Variants in PPP1R1C observed in about 807,000 individuals in gnomAD.
PPP1R1C encodes the protein protein phosphatase 1 regulatory inhibitor subunit 1C, also known as protein phosphatase 1 regulatory subunit 1C.
PPP1R1C carries 15 observed loss-of-function variants against 17.4 expected under a neutral mutation model. That is an observed-to-expected ratio of 0.86 (90% CI 0.58 to 1.33). The LOEUF (loss-of-function observed/expected upper bound fraction) is 1.33. PPP1R1C is among the 40% of genes most tolerant of loss of function. The pLI is 0.00. For synonymous variants in PPP1R1C, 35 were observed against 43.1 expected (o/e 0.81, Z 0.73); for missense variants, 143 against 130.0 (o/e 1.10, Z -0.48).
chr2:182,008,097 A>AAAT (rs140139322), intron 2 of PPP1R1C, among the ~76,000 whole-genome samples: 48,268 of 150,460 alleles, frequency 0.32, 9,249 homozygotes, highest in Non-Finnish European at 0.41. Context: ...ATAAAAAAAT[A>AAAT]AAATAAAATG....
intron 2 of PPP1R1C, among the ~76,000 whole-genome samples, chr2:182,006,635 C>T (rs1182418075): frequency 6.6e-6 from 1 of 152,148 alleles, no homozygotes; most frequent in Non-Finnish European, 1.5e-5. Flanking sequence ...TAACAACTGT[C>T]TTAAGTTTTA....
At chr2:182,084,910 C>T (rs993331108) in intron 4 of PPP1R1C, among the ~76,000 whole-genome samples, 4 of 151,848 alleles carry the variant, frequency 2.6e-5, no homozygotes, top group African/African-American at 9.7e-5. Context: ...TCCATTTGTT[C>T]GTGTCACCTA....
At chr2:182,123,797 G>T (rs573570595) in intron 5 of PPP1R1C, among the ~76,000 whole-genome samples, 15 of 152,232 alleles carry the variant, frequency 9.9e-5, no homozygotes, top group Admixed American at 8.5e-4. Flanking sequence ...CTCCCATTCT[G>T]TAGGTTGCCT....
intron 2 of PPP1R1C, among the ~76,000 whole-genome samples, chr2:182,005,549 G>A (rs1206992160): frequency 6.6e-6 from 1 of 152,086 alleles, no homozygotes; most frequent in African/African-American, 2.4e-5. Flanking sequence ...TCTAAATATG[G>A]TTTTGGAATT....
chr2:182,052,337 C>T (rs768999603), intron 2 of PPP1R1C, among the ~76,000 whole-genome samples: 2 of 152,188 alleles, frequency 1.3e-5, no homozygotes, highest in Non-Finnish European at 2.9e-5. Flanking sequence ...TAGTCTCTGT[C>T]ATGGCAAGAA....
chr2:182,021,787 T>C (rs558259168), intron 2 of PPP1R1C, among the ~76,000 whole-genome samples: 2 of 152,328 alleles, frequency 1.3e-5, no homozygotes, highest in East Asian at 3.9e-4. Flanking sequence ...GCAACTAATA[T>C]GGTCTAGAAA....
chr2:182,038,725 A>G (rs1687091169), intron 2 of PPP1R1C, among the ~76,000 whole-genome samples: 1 of 152,170 alleles, frequency 6.6e-6, no homozygotes, highest in Non-Finnish European at 1.5e-5. Context: ...TGTGTGCCTA[A>G]TGTGTTTGGC....
intron 2 of PPP1R1C, among the ~76,000 whole-genome samples, 154 bp from the exon 3 acceptor site, chr2:182,061,288 C>T (rs1418292098): frequency 1.3e-5 from 2 of 152,030 alleles, no homozygotes; most frequent in African/African-American, 4.8e-5. Context: ...GGAAACCACC[C>T]ACCTCTGTCC....
At chr2:182,053,371 A>G (rs1468404182) in intron 2 of PPP1R1C, among the ~76,000 whole-genome samples, 1 of 152,212 alleles carries the variant, frequency 6.6e-6, no homozygotes, top group Non-Finnish European at 1.5e-5. Flanking sequence ...GATCTTATTC[A>G]TTGATAAAAT....
At chr2:182,060,827 A>G (rs1687827671) in intron 2 of PPP1R1C, among the ~76,000 whole-genome samples, 1 of 152,068 alleles carries the variant, frequency 6.6e-6, no homozygotes, top group Non-Finnish European at 1.5e-5. Flanking sequence ...CCAGCCCAGA[A>G]CATCTTCCTG....
chr2:181,961,424 G>A lies in PPP1R1C; in HGVS notation n.111+6790G>A, dbSNP rs539090730. 87 of 760,120 alleles carry A rather than the reference G, an allele frequency of 1.1e-4. No homozygotes were observed. In the Admixed American group the frequency reaches 1.5e-3, roughly 13 times the overall value. 47.1% of individuals were successfully genotyped at this position (760,120 alleles called of 1,614,324 possible). A position where few individuals can be genotyped will look rare whatever the true frequency, so the allele number is the denominator to read the frequency against. On this transcript the variant is annotated intron_variant and non_coding_transcript_variant, in intron 1 of 5. Transcript: ENST00000464264. The surrounding 1 kb of genome is among the most constrained non-coding windows in gnomAD (Gnocchi z 5.8). ...CCGATCTGGTGCTGTCCCTCTGCCCGGCTCTGTGCCATCTCTGACTCCAGG... is the reference window on the plus strand; with the variant it reads ...CCGATCTGGTGCTGTCCCTCTGCCCAGCTCTGTGCCATCTCTGACTCCAGG...
chr2:182,000,222 T>C (rs1292438452), intron 2 of PPP1R1C, among the ~76,000 whole-genome samples: 1 of 152,218 alleles, frequency 6.6e-6, no homozygotes, highest in Non-Finnish European at 1.5e-5. Context: ...ACAAGGCTGC[T>C]GGGAGAGTAA....
Position 181,976,185 on chromosome 2 carries a change from T to A in PPP1R1C, n.157+921T>A, listed in dbSNP as rs781272698. On this transcript the variant is annotated intron_variant and non_coding_transcript_variant, in intron 2 of 5. Coordinates refer to the PPP1R1C transcript ENST00000464264. The surrounding 1 kb of genome is among the most constrained non-coding windows in gnomAD (Gnocchi z 4.8). ...TATTCTTCCAAACATTTTTCACACATCACACACAAAAGTATAAGTAAGCGT... is the reference window on the plus strand; with the variant it reads ...TATTCTTCCAAACATTTTTCACACAACACACACAAAAGTATAAGTAAGCGT... 5.4e-4 allele frequency among the ~76,000 whole-genome samples: 82 copies of A among 152,010 alleles called. 2 individuals are homozygous for A. The highest frequency in any genetic ancestry group is 1.0e-4 in the Non-Finnish European group (7 of 67,938).
intron 4 of PPP1R1C, among the ~76,000 whole-genome samples, chr2:182,064,914 A>G (rs1323014742): frequency 6.6e-6 from 1 of 152,114 alleles, no homozygotes; most frequent in Admixed American, 6.6e-5. Context: ...ATGTTCACTC[A>G]TTTAATGATT....
chr2:181,981,043 C>T (rs1331012234), upstream of PPP1R1C, among the ~76,000 whole-genome samples: 1 of 150,650 alleles, frequency 6.6e-6, no homozygotes, highest in East Asian at 1.9e-4. Context: ...ATTCTCCTGC[C>T]TCAGCCTCCC....
In PPP1R1C at chr2:181,986,002, A is replaced by G; in HGVS notation, c.-109A>G. 1 of 826,654 alleles carries G rather than the reference A, an allele frequency of 1.2e-6. No individual in the cohort carries two copies. Among genetic ancestry groups the G allele is most frequent in the Non-Finnish European group, 2.1e-6 (1 of 484,660 alleles). The allele number at this position is 826,654 out of a possible 1,614,324, so 51.2% of individuals were successfully genotyped here. The stretch of plus-strand genomic sequence containing the variant: ...CTGGAATTACAGCTATTTATTACGA[A>G]GCACTCTGTGTGGCTTAGTGGAGTG... On this transcript the variant is annotated 5_prime_UTR_variant, in exon 1 of 5. Transcript: ENST00000682840.
intron 2 of PPP1R1C, among the ~76,000 whole-genome samples, chr2:182,007,789 G>A (rs1393759363): frequency 1.3e-5 from 2 of 152,082 alleles, no homozygotes; most frequent in African/African-American, 4.8e-5. Flanking sequence ...AAGGCTAGGC[G>A]CGGTGGCTCA....
intron 2 of PPP1R1C, among the ~76,000 whole-genome samples, chr2:182,002,936 C>CCCCCCCCCA: frequency 7.4e-6 from 1 of 135,516 alleles, no homozygotes; most frequent in Non-Finnish European, 1.6e-5. Context: ...AACCTCCCCC[C>CCCCCCCCCA]CCCCACAACC....
chr2:181,983,492 TATTTA>T (rs1357187994), upstream of PPP1R1C, among the ~76,000 whole-genome samples: 41 of 152,364 alleles, frequency 2.7e-4, no homozygotes, highest in African/African-American at 7.5e-4. Flanking sequence ...GTGCACTTAA[TATTTA>T]GGAAAATTAT....
Sources: gnomAD v4.1 joint callset for allele counts (sites outside exome capture counted in the v4.1 genomes callset) on GRCh38, gnomAD v4.1.1 for gene constraint, Gnocchi (gnomAD v3.1) non-coding constraint, MANE v1.5 for transcripts, NCBI Gene and HGNC (gene_info 2026-07-23, HGNC 2026-07-21) for gene names.